Variants in RFTN1 observed in about 807,000 individuals in gnomAD.
RFTN1 encodes the protein raftlin.
A neutral mutation model predicts 46.5 loss-of-function variants in RFTN1; 26 were observed. The ratio of observed to expected loss-of-function variants is 0.56; its 90% CI spans 0.41 to 0.78. RFTN1 has a LOEUF of 0.78. Ranked by LOEUF, RFTN1 falls within the 30% of genes least tolerant of loss-of-function variation. The probability of loss-of-function intolerance (pLI) is 0.00; values close to 1 mark genes in which losing one functional copy is unlikely to be tolerated. For synonymous variants in RFTN1, 261 were observed against 284.2 expected, an observed-to-expected ratio of 0.92 and a Z score of 0.82; for missense variants, 693 against 718.7, an observed-to-expected ratio of 0.96 and a Z score of 0.41.
rs562594234 is a variant in RFTN1, at chr3:16,440,689, G to C, written c.146-6652C>G. Among the ~76,000 whole-genome samples the C allele has an allele frequency of 1.0e-4, 15 of 150,384 alleles. 1 individual carries two copies. Among genetic ancestry groups the C allele is most frequent in the Admixed American group, 6.6e-4 (10 of 15,116 alleles). On this transcript the variant is annotated intron_variant, in intron 2 of 9. Transcript: ENST00000334133. This position sits in a 1 kb window ranked among gnomAD's most constrained non-coding sequence, Gnocchi z 4.6. ...GGGGACAAGATGGTTACTGCTAATG[G>C]GGGGGGGGCCCAATGGTGCCAGAAC... is the stretch of plus-strand genomic sequence containing the variant.
rs2075792987 is a variant in RFTN1 at position 16,449,727 on chromosome 3, A to T, written c.146-15690T>A. Among the ~76,000 whole-genome samples the T allele has an allele frequency of 6.6e-6, 1 of 152,226 alleles. No homozygotes were observed. The highest frequency in any genetic ancestry group is 1.5e-5 in the Non-Finnish European group (1 of 68,044). ...AGTCATTTCTGAATGTGAGCCAAAA[A>T]TGGTCTAGAACATCAAGACTCAGAA... On this transcript the variant is annotated intron_variant, in intron 2 of 9. Coordinates refer to ENST00000334133, the MANE Select transcript of RFTN1 (RefSeq NM_015150.2). This position sits in a 1 kb window ranked among gnomAD's most constrained non-coding sequence, Gnocchi z 5.1.
intron 2 of RFTN1, among the ~76,000 whole-genome samples, chr3:16,470,556 C>T (rs563837740): frequency 6.6e-6 from 1 of 152,276 alleles, no homozygotes; most frequent in Admixed American, 6.5e-5. Flanking sequence ...GAGAAAAGAG[C>T]CCCAGATTCT....
Position 16,370,999 on chromosome 3 carries a change from G to A in RFTN1, c.827-720C>T, listed in dbSNP as rs957781784. The A allele has an allele frequency of 5.3e-5, 8 of 152,316 alleles. No individual in the cohort carries two copies. The highest frequency in any genetic ancestry group is 1.9e-4 in the African/African-American group (8 of 41,564). The allele number at this position is 152,316 out of a possible 1,614,324, so 9.4% of individuals were successfully genotyped here. ...CAGCAGCTGAGCCGCAACTGCCTAC[G>A]TGCAGCTGGGCGTGGCTTAGCAGTA... On this transcript the variant is annotated intron_variant, in intron 5 of 9. Coordinates refer to ENST00000334133, the MANE Select transcript of RFTN1 (RefSeq NM_015150.2). This position sits in a 1 kb window ranked among gnomAD's most constrained non-coding sequence, Gnocchi z 5.5.
At chr3:16,455,845 ACAT>A (rs1371064995) in intron 2 of RFTN1, among the ~76,000 whole-genome samples, 1 of 152,218 alleles carries the variant, frequency 6.6e-6, no homozygotes, top group African/African-American at 2.4e-5. Context: ...TGATAATGAA[ACAT>A]CAGACAATCT....
intron 2 of RFTN1, among the ~76,000 whole-genome samples, chr3:16,487,426 G>C (rs1465034654): frequency 6.6e-6 from 1 of 152,192 alleles, no homozygotes; most frequent in African/African-American, 2.4e-5. Context: ...TTAAGCTATA[G>C]AACTTTCGGC....
chr3:16,414,613 A>G (rs992216695), intron 3 of RFTN1, among the ~76,000 whole-genome samples: 26 of 151,974 alleles, frequency 1.7e-4, no homozygotes, highest in African/African-American at 6.3e-4. Context: ...CAAAAAAAAA[A>G]AAAAGAAAAG....
intron 2 of RFTN1, among the ~76,000 whole-genome samples, chr3:16,453,378 T>C (rs1213005369): frequency 6.6e-6 from 1 of 152,232 alleles, no homozygotes; most frequent in African/African-American, 2.4e-5. Context: ...CCCAATCCTA[T>C]GCTTTTTCTA....
At position 16,336,850 on chromosome 3, in the gene RFTN1, C is replaced by T. The variant is rs894713787; in HGVS notation, c.1147-9974G>A. Among the ~76,000 whole-genome samples, 5 of 151,892 alleles carry T rather than the reference C, an allele frequency of 3.3e-5. No homozygotes were observed. The highest frequency in any genetic ancestry group is 2.6e-4 in the Admixed American group (4 of 15,270). ...ACTCAGTAGCCTTTTAGGAGCTCAA[C>T]GAAATAAAAAATAATAATTGTTATT... On this transcript the variant is annotated intron_variant, in intron 7 of 9. Transcript: ENST00000334133. The surrounding 1 kb of genome is among the most constrained non-coding windows in gnomAD (Gnocchi z 6.0).
chr3:16,415,906 T>C (rs892242656), intron 3 of RFTN1, among the ~76,000 whole-genome samples: 24 of 152,330 alleles, frequency 1.6e-4, no homozygotes, highest in African/African-American at 4.8e-5. Flanking sequence ...TTAATCTGTT[T>C]ATCTGTTTAT....
At chr3:16,323,346 A>C in intron 9 of RFTN1, 30 bp downstream of exon 9, 1 of 1,524,004 alleles carries the variant, frequency 6.6e-7, no homozygotes, top group South Asian at 1.1e-5. Context: ...CTGCTGAGGA[A>C]AACCTAGGAA....
Position 16,370,335 on chromosome 3 carries a change from C to G in RFTN1, c.827-56G>C, listed in dbSNP as rs1483916030. Reference sequence around the variant, plus strand: ...GAAGAGGTCAACTGATGATAAAAATCTGTTTCATCGGCTTAAGTGGAATCT... The same window carrying G: ...GAAGAGGTCAACTGATGATAAAAATGTGTTTCATCGGCTTAAGTGGAATCT... On this transcript the variant is annotated intron_variant, in intron 5 of 9. Coordinates refer to ENST00000334133, the MANE Select transcript of RFTN1 (RefSeq NM_015150.2). This position sits in a 1 kb window ranked among gnomAD's most constrained non-coding sequence, Gnocchi z 5.5. The G allele has an allele frequency of 2.6e-6, 4 of 1,543,860 alleles. No homozygotes were observed. The African/African-American group carries it at 5.4e-5, about 21-fold the overall frequency.
At chr3:16,397,975 G>A (rs913158663) in intron 4 of RFTN1, among the ~76,000 whole-genome samples, 3 of 152,108 alleles carry the variant, frequency 2.0e-5, no homozygotes, top group South Asian at 2.1e-4. Flanking sequence ...GGCCGGGCGC[G>A]GTGGCTCACG....
chr3:16,387,390 C>A lies in RFTN1; in HGVS notation c.442-9288G>T, dbSNP rs1384733542. Among the ~76,000 whole-genome samples the A allele has an allele frequency of 6.6e-6, 1 of 151,880 alleles. No individual in the cohort carries two copies. Among genetic ancestry groups the A allele is most frequent in the Non-Finnish European group, 1.5e-5 (1 of 68,014 alleles). On this transcript the variant is annotated intron_variant, in intron 4 of 9. Transcript: ENST00000334133. This position sits in a 1 kb window ranked among gnomAD's most constrained non-coding sequence, Gnocchi z 5.2. ...ACCACCTCCAGAGATGACTTAAAGACAAAATCGAGGTCAGAAGCTGAGAAG... is the reference window on the plus strand; with the variant it reads ...ACCACCTCCAGAGATGACTTAAAGAAAAAATCGAGGTCAGAAGCTGAGAAG...
rs146348292 is a variant in RFTN1, at chr3:16,327,621, C to A, written c.1147-745G>T. Among the ~76,000 whole-genome samples the A allele has an allele frequency of 0.03, 4,581 of 152,070 alleles. 107 individuals are homozygous for A. Among genetic ancestry groups the A allele is most frequent in the Middle Eastern group, 0.082 (24 of 294 alleles). The stretch of plus-strand genomic sequence containing the variant: ...AAAAATACAAAAAAAATTAGCCAGG[C>A]CTGGTGGCGGGCGCCTGTAGTCCCA... On this transcript the variant is annotated intron_variant, in intron 7 of 9. Transcript: ENST00000334133. The surrounding 1 kb of genome is among the most constrained non-coding windows in gnomAD (Gnocchi z 4.2).
At position 16,475,844 on chromosome 3, in the gene RFTN1, A is replaced by G. The variant is rs2076272394; in HGVS notation, c.145+17881T>C. The stretch of plus-strand genomic sequence containing the variant: ...GTTAATTCCTCCTCTCATTCCACCA[A>G]TCCCAGATAAATATTCTATATCCTA... On this transcript the variant is annotated intron_variant, in intron 2 of 9. Coordinates refer to ENST00000334133, the MANE Select transcript of RFTN1 (RefSeq NM_015150.2). This position sits in a 1 kb window ranked among gnomAD's most constrained non-coding sequence, Gnocchi z 4.2. Among the ~76,000 whole-genome samples, 1 of 152,194 alleles carries G rather than the reference A, an allele frequency of 6.6e-6. No individual in the cohort carries two copies. The highest frequency in any genetic ancestry group is 6.5e-5 in the Admixed American group (1 of 15,284).
intron 2 of RFTN1, among the ~76,000 whole-genome samples, chr3:16,476,017 T>C (rs1287063999): frequency 6.6e-6 from 1 of 152,150 alleles, no homozygotes; most frequent in Non-Finnish European, 1.5e-5. Flanking sequence ...TTGTGCCAAG[T>C]TGAAAATGTG....
Position 16,370,094 on chromosome 3 carries a change from A to G in RFTN1, c.1012T>C (p.Tyr338His). The change falls in exon 6 of 10, where the codon TAC (tyrosine) becomes CAC (histidine). Residue 338 changes from tyrosine to histidine, a missense_variant. Transcript: ENST00000334133. The surrounding 1 kb of genome is among the most constrained non-coding windows in gnomAD (Gnocchi z 5.5). ...KGGMLVNAVF[Y>H]LGIVNDSLHG... is the part of the protein sequence containing the mutation. Reference sequence around the variant, plus strand: ...AACATACCATTCACTATTCCAAGGTAGAAGACTGCGTTCACCAGCATGCCT... The same window carrying G: ...AACATACCATTCACTATTCCAAGGTGGAAGACTGCGTTCACCAGCATGCCT... 2 of 1,614,246 alleles carry G rather than the reference A, an allele frequency of 1.2e-6. No individual in the cohort carries two copies. The highest frequency in any genetic ancestry group is 1.3e-5 in the African/African-American group (1 of 75,072).
Position 16,380,058 on chromosome 3 carries a change from A to T in RFTN1, c.442-1956T>A, listed in dbSNP as rs1186813834. Among the ~76,000 whole-genome samples the T allele has an allele frequency of 6.6e-6, 1 of 152,194 alleles. No individual in the cohort carries two copies. The highest frequency in any genetic ancestry group is 1.5e-5 in the Non-Finnish European group (1 of 68,034). ...CAGCTATGACTTCTGAAGCATTTTA[A>T]TAACTGCTTCCATGGAGGGCTCAAC... On this transcript the variant is annotated intron_variant, in intron 4 of 9. Transcript: ENST00000334133. This position sits in a 1 kb window ranked among gnomAD's most constrained non-coding sequence, Gnocchi z 4.8.
In RFTN1 at chr3:16,400,928, A is replaced by G. The variant is rs2074584880; in HGVS notation, c.441+8447T>C. On this transcript the variant is annotated intron_variant, in intron 4 of 9. Coordinates refer to ENST00000334133, the MANE Select transcript of RFTN1 (RefSeq NM_015150.2). The surrounding 1 kb of genome is among the most constrained non-coding windows in gnomAD (Gnocchi z 4.5). ...GCCAGCATCAAAGGAGGGGATGCCC[A>G]TTACCTTGTGCCCCTCCCACCTCGC... is the stretch of plus-strand genomic sequence containing the variant. 6.6e-6 allele frequency among the ~76,000 whole-genome samples: 1 copy of G among 152,016 alleles called. No homozygotes were observed. Among genetic ancestry groups the G allele is most frequent in the Non-Finnish European group, 1.5e-5 (1 of 67,986 alleles).
Sources: gnomAD v4.1 joint callset for allele counts (sites outside exome capture counted in the v4.1 genomes callset) on GRCh38, gnomAD v4.1.1 for gene constraint, Gnocchi (gnomAD v3.1) non-coding constraint, MANE v1.5 for transcripts, NCBI Gene and HGNC (gene_info 2026-07-23, HGNC 2026-07-21) for gene names.